Variants in SETD1B observed in about 807,000 individuals in gnomAD.
SETD1B encodes SET domain containing 1B, histone lysine methyltransferase, also known as histone-lysine N-methyltransferase SETD1B.
A neutral mutation model predicts 148.0 loss-of-function variants in SETD1B; 7 were observed. The ratio of observed to expected loss-of-function variants is 0.05; its 90% CI spans 0.03 to 0.09. The LOEUF (loss-of-function observed/expected upper bound fraction) is 0.09. SETD1B is among the 10% of genes least tolerant of loss of function. The pLI is 1.00. For missense variants in SETD1B, 2,155 were observed against 2,729.9 expected, an observed-to-expected ratio of 0.79 and a Z score of 4.69; for synonymous variants, 1,361 against 1,186.5, an observed-to-expected ratio of 1.15 and a Z score of -3.02.
At chr12:121,815,844 C>T (rs2620355) in intron 7 of SETD1B, among the ~76,000 whole-genome samples, 3,788 of 56,580 alleles carry the variant, frequency 0.067, 98 homozygotes, top group Admixed American at 0.21. Context: ...TTTTTTTTTT[C>T]GGAGATGGAG....
intron 11 of SETD1B, among the ~76,000 whole-genome samples, 171 bp from the exon 12 acceptor site, chr12:121,822,319 C>A (rs1011342262): frequency 6.6e-6 from 1 of 152,146 alleles, no homozygotes; most frequent in African/African-American, 2.4e-5. Context: ...ATACTGTGTG[C>A]CTGACACTGG....
intron 16 of SETD1B, among the ~76,000 whole-genome samples, 156 bp downstream of exon 16, chr12:121,828,226 G>T (rs1876935662): frequency 6.6e-6 from 1 of 152,262 alleles, no homozygotes; most frequent in Non-Finnish European, 1.5e-5. Context: ...GACATGTGAG[G>T]TCTTTTACCA....
At chr12:121,806,609 TG>T (rs1366606085) in intron 4 of SETD1B, among the ~76,000 whole-genome samples, 9 of 152,226 alleles carry the variant, frequency 5.9e-5, no homozygotes, top group Admixed American at 5.2e-4. Context: ...GCAGCCAATC[TG>T]GGGCCAGGAG....
chr12:121,818,253 T>C (rs1307026434), intron 10 of SETD1B, among the ~76,000 whole-genome samples: 1 of 152,178 alleles, frequency 6.6e-6, no homozygotes, highest in Non-Finnish European at 1.5e-5. Flanking sequence ...TAAATGCTGC[T>C]GGAATTATCA....
At chr12:121,797,010 C>A in the SETD1B span, among the ~76,000 whole-genome samples, 92 of 144,692 alleles carry the variant, frequency 6.4e-4, 1 homozygote, top group South Asian at 8.7e-4. Context: ...GCCTGGGCAA[C>A]AAGAGCGAAA....
In SETD1B at chr12:121,822,926, A is replaced by C; in HGVS notation, c.4347A>C (p.Pro1449=). 3 of 1,521,862 alleles carry C rather than the reference A, an allele frequency of 2.0e-6. No homozygotes were observed. Among genetic ancestry groups the C allele is most frequent in the Non-Finnish European group, 2.7e-6 (3 of 1,131,440 alleles). The allele number at this position is 1,521,862 out of a possible 1,614,324, so 94.3% of individuals were successfully genotyped here. A position where few individuals can be genotyped will look rare whatever the true frequency, so the allele number is the denominator to read the frequency against. ...GGCCCTTGCTCCTGCCCGTCTGCCC[A>C]CTCCCCACTGGCCGACGCGATGAAC... The part of the protein sequence containing the change: ...PSGPLLLPVC[P]LPTGRRDERS... Residue 1449 remains proline, a synonymous_variant, in exon 12 of 17, where the codon CCA becomes CCC. Coordinates refer to ENST00000604567, the MANE Select transcript of SETD1B (RefSeq NM_001353345.2).
In SETD1B at chr12:121,817,629, G is replaced by A; in HGVS notation, c.3237G>A (p.Glu1079=). The part of the protein sequence containing the change: ...EEQESTEEEE[E]AEEEEEEEVP... ...AGGAGAGCACCGAGGAGGAAGAGGA[G>A]GCGGAGGAGGAGGAGGAGGAGGAAG... Residue 1079 remains glutamate, a synonymous_variant, in exon 9 of 17, where the codon GAG becomes GAA. Transcript: ENST00000604567. This position sits in a 1 kb window ranked among gnomAD's most constrained non-coding sequence, Gnocchi z 8.1. The A allele has an allele frequency of 6.4e-7, 1 of 1,551,324 alleles. No individual in the cohort carries two copies. Among genetic ancestry groups the A allele is most frequent in the Non-Finnish European group, 8.7e-7 (1 of 1,146,938 alleles).
Position 121,808,127 on chromosome 12 carries a change from G to C in SETD1B, c.545-81G>C. On this transcript the variant is annotated intron_variant, in intron 4 of 16. Transcript: ENST00000604567. The surrounding 1 kb of genome is among the most constrained non-coding windows in gnomAD (Gnocchi z 5.3). ...TCTCGGGCACAAGGGACCCACCAGG[G>C]TGCCACACAGGTTGGAATCCTTGTG... The C allele has an allele frequency of 8.9e-7, 1 of 1,119,336 alleles. No homozygotes were observed. The highest frequency in any genetic ancestry group is 1.3e-6 in the Non-Finnish European group (1 of 770,084). The allele number at this position is 1,119,336 out of a possible 1,614,324, so 69.3% of individuals were successfully genotyped here. A position where few individuals can be genotyped will look rare whatever the true frequency, so the allele number is the denominator to read the frequency against.
Position 121,812,082 on chromosome 12 carries a change from GACTGCCCGGC to G in SETD1B, c.1890+1248_1890+1257del, listed in dbSNP as rs1448484886. Among the ~76,000 whole-genome samples, 294 of 152,308 alleles carry G rather than the reference GACTGCCCGGC, an allele frequency of 1.9e-3. 3 individuals are homozygous for G. Among genetic ancestry groups the G allele is most frequent in the Admixed American group, 0.018 (272 of 15,306 alleles). ...TGAGGCCCCGGGAGCGAGGGTCTGG[GACTGCCCGGC>G]CGCCAGCGCAGGGAGTCGCCGAGTG... is the stretch of plus-strand genomic sequence containing the variant. On this transcript the variant is annotated intron_variant, in intron 6 of 16. Coordinates refer to ENST00000604567, the MANE Select transcript of SETD1B (RefSeq NM_001353345.2).
the SETD1B span, among the ~76,000 whole-genome samples, chr12:121,798,286 C>G: frequency 6.6e-6 from 1 of 152,238 alleles, no homozygotes; most frequent in African/African-American, 2.4e-5. Flanking sequence ...GAAAGGCCTG[C>G]AGCTGGACTC....
rs1226188854 is a variant in SETD1B at position 121,829,539 on chromosome 12, G to A, written c.5728-527G>A. 4.6e-5 allele frequency among the ~76,000 whole-genome samples: 7 copies of A among 152,318 alleles called. No homozygotes were observed. The East Asian group carries it at 1.2e-3, about 25-fold the overall frequency. On this transcript the variant is annotated intron_variant, in intron 16 of 16. Coordinates refer to ENST00000604567, the MANE Select transcript of SETD1B (RefSeq NM_001353345.2). ...CCAGGGCTGCCACTGGCAGACAGCA[G>A]GTAGTTGCATTTATGGGCTTGGAGG...
At chr12:121,790,906 C>T in the SETD1B span, among the ~76,000 whole-genome samples, 1 of 152,182 alleles carries the variant, frequency 6.6e-6, no homozygotes, top group Non-Finnish European at 1.5e-5. Context: ...CAGGGTCTCG[C>T]TCTGTTGCCC....
chr12:121,808,948 C>T lies in SETD1B; in HGVS notation c.657+628C>T, dbSNP rs888181779. On this transcript the variant is annotated intron_variant, in intron 5 of 16. Transcript: ENST00000604567. This position sits in a 1 kb window ranked among gnomAD's most constrained non-coding sequence, Gnocchi z 5.3. ...GCAGTGGTGCGATCTCAGCTCACTG[C>T]AAGCTCCACCTCCTGGGCTCAAGTG... Among the ~76,000 whole-genome samples, 1 of 152,214 alleles carries T rather than the reference C, an allele frequency of 6.6e-6. No individual in the cohort carries two copies. Among genetic ancestry groups the T allele is most frequent in the African/African-American group, 2.4e-5 (1 of 41,444 alleles).
At position 121,804,350 on chromosome 12, in the gene SETD1B, C is replaced by T. The variant is rs1875596343; in HGVS notation, c.-15+117C>T. 6.9e-6 allele frequency: 1 copy of T among 145,126 alleles called. No homozygotes were observed. The highest frequency in any genetic ancestry group is 2.5e-5 in the African/African-American group (1 of 40,466). The allele number at this position is 145,126 out of a possible 1,614,324, so 9.0% of individuals were successfully genotyped here. ...GGGCGGGCGGCGGCGCCGCCAGGCC[C>T]TGCCGCCAGCCTCGCGCCAGAGCCG... On this transcript the variant is annotated intron_variant, in intron 1 of 16. Coordinates refer to ENST00000604567, the MANE Select transcript of SETD1B (RefSeq NM_001353345.2). The surrounding 1 kb of genome is among the most constrained non-coding windows in gnomAD (Gnocchi z 4.6).
Position 121,819,622 on chromosome 12 carries a change from G to C in SETD1B, c.3637G>C (p.Gly1213Arg). 6.4e-7 allele frequency: 1 copy of C among 1,551,898 alleles called. No individual in the cohort carries two copies. Among genetic ancestry groups the C allele is most frequent in the Non-Finnish European group, 8.7e-7 (1 of 1,147,052 alleles). ...AGGCCCTGAGGACTTTGAGCAGGACGGGGAGGAAGCGGCTCTGGCCCCGGG... is the reference window on the plus strand; with the variant it reads ...AGGCCCTGAGGACTTTGAGCAGGACCGGGAGGAAGCGGCTCTGGCCCCGGG... Reference protein sequence around the residue: ...SAGPEDFEQDGEEAALAPGAP... With the variant: ...SAGPEDFEQDREEAALAPGAP... Residue 1213 changes from glycine to arginine, a missense_variant, in exon 11 of 17, where the codon GGG becomes CGG. This residue lies in a region of SETD1B where 862 missense variants were observed against 873.8 expected (regional missense o/e 0.99). Coordinates refer to ENST00000604567, the MANE Select transcript of SETD1B (RefSeq NM_001353345.2).
chr12:121,820,967 A>G (rs1208355203), intron 11 of SETD1B, among the ~76,000 whole-genome samples: 1 of 152,166 alleles, frequency 6.6e-6, no homozygotes, highest in Admixed American at 6.5e-5. Flanking sequence ...TGCGAAACCC[A>G]CTGTATATGG....
At chr12:121,815,534 G>A (rs757416740) in intron 7 of SETD1B, among the ~76,000 whole-genome samples, 1 of 152,038 alleles carries the variant, frequency 6.6e-6, no homozygotes, top group Non-Finnish European at 1.5e-5. Flanking sequence ...TTTTGAGACA[G>A]GGTCTCGCTG....
In SETD1B at chr12:121,823,447, G is replaced by C. The variant is rs1317359571; in HGVS notation, c.4868G>C (p.Arg1623Pro). Residue 1623 changes from arginine to proline, a missense_variant, in exon 12 of 17, where the codon CGT becomes CCT. Physicochemically the swap from Arg to Pro is moderately radical, Grantham distance 103 (BLOSUM62 -2). Around this residue, in one of 11 missense-constraint regions of SETD1B, gnomAD observed 862 missense variants for 873.8 expected, o/e 0.99. Transcript: ENST00000604567. ...WPSEAIPPGP[R>P]GRDEVTEEYM... is the part of the protein sequence containing the mutation. Reference sequence around the variant, plus strand: ...TCCGAGGCCATTCCTCCGGGCCCCCGTGGGCGCGATGAGGTCACTGAGGAA... The same window carrying C: ...TCCGAGGCCATTCCTCCGGGCCCCCCTGGGCGCGATGAGGTCACTGAGGAA... 3.9e-6 allele frequency: 6 copies of C among 1,548,994 alleles called. No individual in the cohort carries two copies. The highest frequency in any genetic ancestry group is 1.7e-6 in the Non-Finnish European group (2 of 1,146,714).
intron 6 of SETD1B, among the ~76,000 whole-genome samples, 176 bp downstream of exon 6, chr12:121,811,011 G>A (rs1876008812): frequency 6.6e-6 from 1 of 152,256 alleles, no homozygotes; most frequent in Non-Finnish European, 1.5e-5. Flanking sequence ...ACCAGGGGCT[G>A]TGATTGAGCA....
Sources: gnomAD v4.1 joint callset for allele counts (sites outside exome capture counted in the v4.1 genomes callset) on GRCh38, gnomAD v4.1.1 for gene constraint, gnomAD v4.1.1 regional missense constraint, Gnocchi (gnomAD v3.1) non-coding constraint, MANE v1.5 for transcripts, NCBI Gene and HGNC (gene_info 2026-07-23, HGNC 2026-07-21) for gene names.